The following LAMC3 variants were observed in gnomAD, a reference collection of about 807,000 sequenced individuals.
LAMC3 encodes laminin subunit gamma-3.
In LAMC3, 128 loss-of-function variants were observed where a neutral mutation model predicts 173.8. The observed-to-expected ratio is 0.74, with a 90% CI of 0.64 to 0.85. The LOEUF is 0.85. LAMC3 is among the 40% of genes least tolerant of loss of function. LAMC3 has a pLI of 0.00. For synonymous variants in LAMC3, 897 were observed against 909.1 expected (o/e 0.99, Z 0.24); for missense variants, 2,022 against 2,156.0 (o/e 0.94, Z 1.23).
intron 2 of LAMC3, among the ~76,000 whole-genome samples, chr9:131,027,505 C>T (rs896067736): frequency 1.3e-5 from 2 of 152,136 alleles, no homozygotes; most frequent in South Asian, 2.1e-4. Context: ...TCTGTGATGA[C>T]GGAAAGCGCC....
intron 11 of LAMC3, among the ~76,000 whole-genome samples, chr9:131,055,967 A>G (rs1345707639): frequency 6.6e-6 from 1 of 152,048 alleles, no homozygotes; most frequent in East Asian, 2.0e-4. Context: ...GGAGGCTGAG[A>G]CAGGAGTCCT....
intron 27 of LAMC3, among the ~76,000 whole-genome samples, chr9:131,089,537 C>G (rs977085752): frequency 9.2e-6 from 1 of 108,334 alleles, no homozygotes; most frequent in East Asian, 2.4e-4. Flanking sequence ...ACCACCACAC[C>G]CAGCTAATTT....
rs1385667697 is a variant in LAMC3 at position 131,091,898 on chromosome 9, T to C, written c.*111T>C. ...ACAGACATTCCCCGGAGCCGGCTGC[T>C]GTGAACTCGCCCCCGTGTGGATAGT... On this transcript the variant is annotated 3_prime_UTR_variant, in exon 28 of 28. Coordinates refer to ENST00000361069, the MANE Select transcript of LAMC3 (RefSeq NM_006059.4). 2.2e-6 allele frequency: 3 copies of C among 1,340,622 alleles called. No individual in the cohort carries two copies. Among genetic ancestry groups the C allele is most frequent in the Non-Finnish European group, 3.0e-6 (3 of 985,208 alleles). The allele number at this position is 1,340,622 out of a possible 1,614,324, so 83.0% of individuals were successfully genotyped here.
rs1237763934 is a variant in LAMC3 at position 131,073,290 on chromosome 9, C to T, written c.3463C>T (p.Leu1155=). Residue 1155 remains leucine, a synonymous_variant, in exon 20 of 28, where the codon CTG becomes TTG. Transcript: ENST00000361069. ...GPSQPTKWSH[L]ATEARALARS... ...CAGTCAGCCGACCAAATGGAGCCACCTGGCCACAGAGGCCCGTGCCCTCGC... is the reference window on the plus strand; with the variant it reads ...CAGTCAGCCGACCAAATGGAGCCACTTGGCCACAGAGGCCCGTGCCCTCGC... 3 of 1,613,916 alleles carry T rather than the reference C, an allele frequency of 1.9e-6. No homozygotes were observed. Among genetic ancestry groups the T allele is most frequent in the Admixed American group, 3.3e-5 (2 of 60,016 alleles).
intron 19 of LAMC3, 133 bp downstream of exon 19, chr9:131,072,968 G>C (rs1294938941): frequency 7.0e-6 from 6 of 859,590 alleles, no homozygotes; most frequent in Middle Eastern, 2.2e-4. Context: ...GCAAAGTGGG[G>C]ATCACACAGT....
intron 18 of LAMC3, among the ~76,000 whole-genome samples, 195 bp downstream of exon 18, chr9:131,071,820 C>T (rs910825080): frequency 3.9e-5 from 6 of 152,196 alleles, no homozygotes; most frequent in African/African-American, 1.4e-4. Flanking sequence ...AGACTCTAAG[C>T]TCAGTGAGGA....
intron 1 of LAMC3, among the ~76,000 whole-genome samples, chr9:131,014,442 C>G (rs934491589): frequency 6.6e-6 from 1 of 152,256 alleles, no homozygotes; most frequent in African/African-American, 2.4e-5. Flanking sequence ...AAACCCCTCA[C>G]CCCTCTAAGG....
chr9:131,049,118 C>T lies in LAMC3; in HGVS notation c.1618C>T (p.Leu540Phe). The change falls in exon 9 of 28, where the codon CTC (leucine) becomes TTC (phenylalanine). Residue 540 changes from leucine to phenylalanine, a missense_variant. Physicochemically the swap from Leu to Phe is conservative, Grantham distance 22. Transcript: ENST00000361069. Reference sequence around the variant, plus strand: ...CCTGAGCCCAGAAGACGAGGAGGAGCTCACAGCACCAGGTACCTCCAGCAC... The same window carrying T: ...CCTGAGCCCAGAAGACGAGGAGGAGTTCACAGCACCAGGTACCTCCAGCAC... ...VLLSPEDEEELTAPEKFLGDQ... is the reference protein window; with the variant it reads ...VLLSPEDEEEFTAPEKFLGDQ... The T allele has an allele frequency of 6.5e-7, 1 of 1,548,520 alleles. No individual in the cohort carries two copies. The highest frequency in any genetic ancestry group is 8.7e-7 in the Non-Finnish European group (1 of 1,143,904).
chr9:131,050,611 CA>C (rs1834264314), intron 9 of LAMC3, among the ~76,000 whole-genome samples: 2 of 151,924 alleles, frequency 1.3e-5, no homozygotes, highest in Admixed American at 1.3e-4. Flanking sequence ...ACTAAAAGTA[CA>C]AAAAAGTTAG....
intron 1 of LAMC3, among the ~76,000 whole-genome samples, chr9:131,012,961 G>T (rs1006910146): frequency 6.6e-5 from 10 of 152,242 alleles, no homozygotes; most frequent in Non-Finnish European, 8.8e-5. Flanking sequence ...GCAGCAGTGG[G>T]CTCTGGCAGC....
intron 23 of LAMC3, among the ~76,000 whole-genome samples, chr9:131,080,693 GGGGT>G (rs1461927005): frequency 3.9e-5 from 6 of 152,050 alleles, no homozygotes; most frequent in Non-Finnish European, 7.4e-5. Context: ...CTTTGCCCCC[GGGGT>G]AGCACCTGCT....
chr9:131,076,813 G>A (rs1334771559), intron 21 of LAMC3, among the ~76,000 whole-genome samples: 2 of 152,218 alleles, frequency 1.3e-5, no homozygotes, highest in African/African-American at 2.4e-5. Context: ...GCATGGCCGA[G>A]CCAGGACCAG....
chr9:131,026,587 C>G lies in LAMC3; in HGVS notation c.676C>G (p.Gln226Glu). ...AYNFEESPGLQEWVTSTELLI... is the reference protein window; with the variant it reads ...AYNFEESPGLEEWVTSTELLI... Reference sequence around the variant, plus strand: ...CAACTTCGAGGAGAGCCCTGGGCTGCAGGTCAGGGAGGAGCGGGGCTTCGG... The same window carrying G: ...CAACTTCGAGGAGAGCCCTGGGCTGGAGGTCAGGGAGGAGCGGGGCTTCGG... The change falls in exon 2 of 28, where the codon CAG (glutamine) becomes GAG (glutamate). Residue 226 changes from glutamine to glutamate, a missense_variant and splice_region_variant. By Grantham distance (29) the Gln-to-Glu change is conservative (BLOSUM62 2). Coordinates refer to ENST00000361069, the MANE Select transcript of LAMC3 (RefSeq NM_006059.4). This position sits in a 1 kb window ranked among gnomAD's most constrained non-coding sequence, Gnocchi z 4.8. 2 of 1,589,264 alleles carry G rather than the reference C, an allele frequency of 1.3e-6. No individual in the cohort carries two copies. Among genetic ancestry groups the G allele is most frequent in the South Asian group, 2.3e-5 (2 of 88,584 alleles).
intron 1 of LAMC3, among the ~76,000 whole-genome samples, chr9:131,016,280 G>A (rs1472239417): frequency 1.3e-5 from 2 of 152,176 alleles, no homozygotes; most frequent in Non-Finnish European, 2.9e-5. Flanking sequence ...TGTTTCATGG[G>A]GACAGAGTTT....
chr9:131,051,949 T>C (rs1354333552), intron 9 of LAMC3, among the ~76,000 whole-genome samples: 1 of 152,202 alleles, frequency 6.6e-6, no homozygotes, highest in East Asian at 1.9e-4. Flanking sequence ...TGGTGGTTCG[T>C]GTCTCAGAAA....
intron 3 of LAMC3, among the ~76,000 whole-genome samples, chr9:131,032,688 G>C (rs759262257): frequency 4.0e-5 from 6 of 151,118 alleles, no homozygotes; most frequent in African/African-American, 9.8e-5. Context: ...CTCTCTCTCT[G>C]AAGGAGTTTC....
chr9:131,073,203 C>T (rs757261317), intron 19 of LAMC3, 42 bp from the exon 20 acceptor site: 56 of 1,458,330 alleles, frequency 3.8e-5, no homozygotes, highest in African/African-American at 1.2e-4. Context: ...TACCCTTTGG[C>T]GATGGGCCAT....
At position 131,068,241 on chromosome 9, in the gene LAMC3, G is replaced by A; in HGVS notation, c.2747+10G>A. On this transcript the variant is annotated intron_variant, in intron 15 of 27. Transcript: ENST00000361069. ...GGAGGGGCTGCCGGAGGTAGGTAGG[G>A]TGAGACTGCCGGTGCCCTGGGGACC... 6.2e-7 allele frequency: 1 copy of A among 1,606,464 alleles called. No homozygotes were observed. The highest frequency in any genetic ancestry group is 8.5e-7 in the Non-Finnish European group (1 of 1,176,440).
intron 1 of LAMC3, among the ~76,000 whole-genome samples, chr9:131,017,191 C>T (rs1049387125): frequency 6.6e-5 from 10 of 152,114 alleles, no homozygotes; most frequent in Admixed American, 2.0e-4. Flanking sequence ...TGCGGGTCAC[C>T]GGCGCAGACT....
Sources: gnomAD v4.1 joint callset for allele counts (sites outside exome capture counted in the v4.1 genomes callset) on GRCh38, gnomAD v4.1.1 for gene constraint, Gnocchi (gnomAD v3.1) non-coding constraint, MANE v1.5 for transcripts, NCBI Gene and HGNC (gene_info 2026-07-23, HGNC 2026-07-21) for gene names.